ADGRA1: variants seen among roughly 807,000 people sequenced by gnomAD.
ADGRA1 encodes G-protein coupled receptor 123.
ADGRA1 carries 12 observed loss-of-function variants against 21.3 expected under a neutral mutation model. That is an observed-to-expected ratio of 0.56 (90% CI 0.36 to 0.91). The LOEUF (loss-of-function observed/expected upper bound fraction) is 0.91, where lower values mean the gene tolerates loss of function less well. Among genes scored for constraint, ADGRA1 ranks in the 40% least tolerant of loss-of-function variants. The pLI is 0.01. For synonymous variants in ADGRA1, 385 were observed against 368.8 expected (o/e 1.04, Z -0.50); for missense variants, 790 against 805.6 (o/e 0.98, Z 0.23).
chr10:133,123,344 A>C (rs1325509888), intron 5 of ADGRA1, among the ~76,000 whole-genome samples: 1 of 152,194 alleles, frequency 6.6e-6, no homozygotes, highest in Non-Finnish European at 1.5e-5. Context: ...TGTTCCTCAC[A>C]TCAGCCCGAG....
chr10:133,123,581 G>A lies in ADGRA1; in HGVS notation c.402-3652G>A, dbSNP rs573283017. 8.5e-5 allele frequency among the ~76,000 whole-genome samples: 13 copies of A among 152,302 alleles called. No homozygotes were observed. In the South Asian group the frequency reaches 1.7e-3, roughly 19 times the overall value. Reference sequence around the variant, plus strand: ...ACAGCTGGGGCCGCACCGCCTTCCCGTGGCTGCTGTGGCCACGGTGAAAGC... The same window carrying A: ...ACAGCTGGGGCCGCACCGCCTTCCCATGGCTGCTGTGGCCACGGTGAAAGC... On this transcript the variant is annotated intron_variant, in intron 5 of 6. Coordinates refer to ENST00000392607, the MANE Select transcript of ADGRA1 (RefSeq NM_001083909.3).
At chr10:133,127,489 C>T (rs1478532841) in intron 6 of ADGRA1, among the ~76,000 whole-genome samples, 158 bp downstream of exon 6, 2 of 152,100 alleles carry the variant, frequency 1.3e-5, no homozygotes, top group African/African-American at 2.4e-5. Context: ...CCAGCTCGCA[C>T]CCCCGAGGAG....
Position 133,093,130 on chromosome 10 carries a change from T to C in ADGRA1, c.4-3844T>C, listed in dbSNP as rs1487481733. On this transcript the variant is annotated intron_variant, in intron 2 of 6. Coordinates refer to ENST00000392607, the MANE Select transcript of ADGRA1 (RefSeq NM_001083909.3). ...ACACCTCACTGTGCAGGAAAGAAGG[T>C]TCCTCAGCCAGTCGGAGCTGCAGAC... 4.4e-6 allele frequency: 7 copies of C among 1,596,650 alleles called. No individual in the cohort carries two copies. In the African/African-American group the frequency reaches 6.7e-5, roughly 15 times the overall value.
At chr10:133,105,001 C>T (rs1851866907) in intron 5 of ADGRA1, among the ~76,000 whole-genome samples, 1 of 152,228 alleles carries the variant, frequency 6.6e-6, no homozygotes, top group Non-Finnish European at 1.5e-5. Flanking sequence ...CCGCTCACCT[C>T]CCCCTCCTCC....
At chr10:133,112,347 GTCA>G (rs1852050170) in intron 5 of ADGRA1, among the ~76,000 whole-genome samples, 6 of 151,620 alleles carry the variant, frequency 4.0e-5, no homozygotes, top group African/African-American at 1.5e-4. Flanking sequence ...TGCAGGCTGC[GTCA>G]GTTATTTGGG....
chr10:133,089,474 G>A (rs1401021409), intron 2 of ADGRA1, among the ~76,000 whole-genome samples: 1 of 152,206 alleles, frequency 6.6e-6, no homozygotes, highest in Non-Finnish European at 1.5e-5. Context: ...TCGGCTAGCC[G>A]AGCCCATCGT....
At chr10:133,092,699 A>T (rs1484705882) in intron 2 of ADGRA1, among the ~76,000 whole-genome samples, 1 of 151,604 alleles carries the variant, frequency 6.6e-6, no homozygotes, top group Middle Eastern at 3.2e-3. Context: ...AAGAAAGAGA[A>T]ACAGGAAGAA....
chr10:133,112,521 G>A (rs865804815), intron 5 of ADGRA1, among the ~76,000 whole-genome samples: 5 of 135,018 alleles, frequency 3.7e-5, no homozygotes, highest in South Asian at 2.7e-4. Context: ...TGGTTATTTG[G>A]GGTCTGCAGG....
intron 2 of ADGRA1, 124 bp downstream of exon 2, chr10:133,089,036 G>A (rs1191379624): frequency 1.6e-6 from 2 of 1,234,214 alleles, no homozygotes; most frequent in African/African-American, 1.6e-5. Flanking sequence ...CCGGGCTTCC[G>A]GGCTCAGTGC....
At position 133,089,669 on chromosome 10, in the gene ADGRA1, G is replaced by A. The variant is rs112751272; in HGVS notation, c.3+757G>A. Among the ~76,000 whole-genome samples the A allele has an allele frequency of 7.4e-3, 1,125 of 152,388 alleles. 9 individuals carry two copies. Among genetic ancestry groups the A allele is most frequent in the African/African-American group, 0.018 (739 of 41,592 alleles). On this transcript the variant is annotated intron_variant, in intron 2 of 6. Coordinates refer to ENST00000392607, the MANE Select transcript of ADGRA1 (RefSeq NM_001083909.3). ...TCTAGAATGTGCGGCCGCCACAGAC[G>A]CCGGCTGGCGTGCTTCGGAGCAGAC...
chr10:133,102,559 C>A, intron 4 of ADGRA1, 138 bp from the exon 5 acceptor site: 2 of 1,015,190 alleles, frequency 2.0e-6, no homozygotes, highest in Non-Finnish European at 2.9e-6. Context: ...TGTGGGGCGG[C>A]CGCTGCCTGC....
Position 133,128,507 on chromosome 10 carries a change from G to C in ADGRA1, c.679G>C (p.Gly227Arg). Reference protein sequence around the residue: ...EQRRLATPEGGRGIRPGTPPA... With the variant: ...EQRRLATPEGRRGIRPGTPPA... Reference sequence around the variant, plus strand: ...GCGGCGGCTGGCGACACCCGAGGGCGGCCGTGGGATCCGGCCAGGCACCCC... The same window carrying C: ...GCGGCGGCTGGCGACACCCGAGGGCCGCCGTGGGATCCGGCCAGGCACCCC... Residue 227 changes from glycine (G) to arginine (R), a missense_variant, in exon 7 of 7, where the codon GGC becomes CGC. Gly to Arg is a moderately radical substitution (Grantham distance 125, BLOSUM62 -2). Around this residue, in one of 3 missense-constraint regions of ADGRA1, gnomAD observed 382 missense variants for 415.6 expected, o/e 0.92. Coordinates refer to ENST00000392607, the MANE Select transcript of ADGRA1 (RefSeq NM_001083909.3). 1 of 1,549,266 alleles carries C rather than the reference G, an allele frequency of 6.5e-7. No homozygotes were observed. Among genetic ancestry groups the C allele is most frequent in the South Asian group, 1.2e-5 (1 of 84,856 alleles).
In ADGRA1 at chr10:133,129,360, T is replaced by C. The variant is rs1289858284; in HGVS notation, c.1532T>C (p.Leu511Ser). 6.3e-7 allele frequency: 1 copy of C among 1,596,206 alleles called. No homozygotes were observed. Among genetic ancestry groups the C allele is most frequent in the South Asian group, 1.1e-5 (1 of 89,208 alleles). Residue 511 changes from leucine to serine, a missense_variant, in exon 7 of 7, where the codon TTG becomes TCG. Leu to Ser is a moderately radical substitution (Grantham distance 145). Around this residue, in one of 3 missense-constraint regions of ADGRA1, gnomAD observed 391 missense variants for 351.5 expected, o/e 1.11. Coordinates refer to ENST00000392607, the MANE Select transcript of ADGRA1 (RefSeq NM_001083909.3). ...GREAALGPGH[L>S]EMLRRTQSLP... ...GAGGCAGCGCTCGGGCCCGGCCACT[T>C]GGAGATGCTGCGGAGGACACAGTCC... is the stretch of plus-strand genomic sequence containing the variant.
At position 133,129,157 on chromosome 10, in the gene ADGRA1, C is replaced by T; in HGVS notation, c.1329C>T (p.Ser443=). ...EPEYAYHIPS[S]LDGSPRSSRT... is the part of the protein sequence containing the mutation. ...AGTACGCCTACCACATCCCATCCAG[C>T]CTGGATGGCAGCCCCCGCAGCTCGC... Residue 443 remains serine, a synonymous_variant, in exon 7 of 7, where the codon AGC becomes AGT. Coordinates refer to ENST00000392607, the MANE Select transcript of ADGRA1 (RefSeq NM_001083909.3). 1 of 1,553,856 alleles carries T rather than the reference C, an allele frequency of 6.4e-7. No homozygotes were observed. Among genetic ancestry groups the T allele is most frequent in the Non-Finnish European group, 8.7e-7 (1 of 1,148,686 alleles).
intron 4 of ADGRA1, among the ~76,000 whole-genome samples, chr10:133,100,397 T>C (rs916107880): frequency 1.3e-5 from 2 of 152,160 alleles, no homozygotes; most frequent in African/African-American, 4.8e-5. Flanking sequence ...CGCCCCACAC[T>C]GGGATGAAGC....
At position 133,088,182 on chromosome 10, in the gene ADGRA1, G is replaced by A. The variant is rs111425568; in HGVS notation, c.-203+44G>A. The A allele has an allele frequency of 7.1e-4, 631 of 894,114 alleles. 1 individual carries two copies. Among genetic ancestry groups the A allele is most frequent in the Non-Finnish European group, 7.5e-4 (558 of 746,616 alleles). The allele number at this position is 894,114 out of a possible 1,614,324, so 55.4% of individuals were successfully genotyped here. On this transcript the variant is annotated intron_variant, in intron 1 of 6. Transcript: ENST00000392607. Reference sequence around the variant, plus strand: ...TCTGGGCGGCGGGAGGGACGCGCGGGGCCGCGGCTCGGCAGAAAAGCTCGC... The same window carrying A: ...TCTGGGCGGCGGGAGGGACGCGCGGAGCCGCGGCTCGGCAGAAAAGCTCGC...
At position 133,124,598 on chromosome 10, in the gene ADGRA1, C is replaced by T. The variant is rs555885163; in HGVS notation, c.402-2635C>T. ...GCCCAGAGTCTGCCTGGGGCTTAGA[C>T]GGGATTCGACGTAACAGAAGATGAC... is the stretch of plus-strand genomic sequence containing the variant. On this transcript the variant is annotated intron_variant, in intron 5 of 6. Transcript: ENST00000392607. Among the ~76,000 whole-genome samples, 15 of 152,336 alleles carry T rather than the reference C, an allele frequency of 9.8e-5. 1 individual carries two copies. The South Asian group carries it at 2.1e-3, about 21-fold the overall frequency.
intron 4 of ADGRA1, among the ~76,000 whole-genome samples, chr10:133,101,740 G>T (rs1851799083): frequency 6.6e-6 from 1 of 152,210 alleles, no homozygotes; most frequent in African/African-American, 2.4e-5. Context: ...TAGGCACTGG[G>T]ATGGGACACG....
intron 3 of ADGRA1, among the ~76,000 whole-genome samples, chr10:133,098,218 A>G (rs1438476146): frequency 1.3e-5 from 2 of 152,164 alleles, no homozygotes; most frequent in African/African-American, 2.4e-5. Context: ...AGCCGGGGTC[A>G]CGCTGAGCCA....
Sources: gnomAD v4.1 joint callset for allele counts (sites outside exome capture counted in the v4.1 genomes callset) on GRCh38, gnomAD v4.1.1 for gene constraint, gnomAD v4.1.1 regional missense constraint, MANE v1.5 for transcripts, NCBI Gene and HGNC (gene_info 2026-07-23, HGNC 2026-07-21) for gene names.